HECTD2: variants seen among roughly 807,000 people sequenced by gnomAD.
HECTD2 encodes HECT domain E3 ubiquitin protein ligase 2, also known as probable E3 ubiquitin-protein ligase HECTD2.
In HECTD2, 35 loss-of-function variants were observed where a neutral mutation model predicts 103.2. That is an observed-to-expected ratio of 0.34 (90% CI 0.26 to 0.45). The LOEUF is 0.45. HECTD2 is among the 20% of genes least tolerant of loss of function. The pLI is 1.00. For missense variants in HECTD2, 596 were observed against 937.4 expected, an observed-to-expected ratio of 0.64 and a Z score of 4.76; for synonymous variants, 281 against 329.9, an observed-to-expected ratio of 0.85 and a Z score of 1.61.
intron 2 of HECTD2, among the ~76,000 whole-genome samples, chr10:91,456,005 G>T (rs1225403589): frequency 1.3e-5 from 2 of 151,186 alleles, no homozygotes; most frequent in Admixed American, 1.3e-4. Flanking sequence ...GTCAGGTAGC[G>T]TGATGCCTCC....
At chr10:91,416,418 C>T (rs1203255739) in intron 1 of HECTD2, among the ~76,000 whole-genome samples, 1 of 152,136 alleles carries the variant, frequency 6.6e-6, no homozygotes, top group East Asian at 1.9e-4. Context: ...CAGTCTAATG[C>T]CTTTTCTGTT....
chr10:91,505,694 G>C (rs1185647778), intron 20 of HECTD2, among the ~76,000 whole-genome samples: 36 of 151,194 alleles, frequency 2.4e-4, no homozygotes, highest in African/African-American at 8.0e-4. Flanking sequence ...ACACCCCACT[G>C]TCAACATTAG....
At chr10:91,414,218 A>T (rs1843033308) in intron 1 of HECTD2, among the ~76,000 whole-genome samples, 1 of 152,182 alleles carries the variant, frequency 6.6e-6, no homozygotes, top group African/African-American at 2.4e-5. Flanking sequence ...GCTAGATTTG[A>T]CTTAGGTCAG....
intron 1 of HECTD2, among the ~76,000 whole-genome samples, chr10:91,415,934 C>T (rs1157318646): frequency 6.6e-6 from 1 of 151,946 alleles, no homozygotes; most frequent in African/African-American, 2.4e-5. Context: ...AGGGCTATGG[C>T]TTTATAAATA....
intron 5 of HECTD2, among the ~76,000 whole-genome samples, chr10:91,477,742 C>T (rs564738381): frequency 3.9e-5 from 6 of 152,212 alleles, no homozygotes; most frequent in African/African-American, 1.4e-4. Flanking sequence ...CTTCTATTCT[C>T]TTATAAACTA....
At chr10:91,409,750 G>A (rs953920027), upstream of HECTD2, among the ~76,000 whole-genome samples, 3 of 152,170 alleles carry the variant, frequency 2.0e-5, no homozygotes, top group Non-Finnish European at 2.9e-5. Flanking sequence ...CAAGCTCCGG[G>A]CCGCCTCTCC....
intron 2 of HECTD2, among the ~76,000 whole-genome samples, chr10:91,455,485 T>A (rs557693257): frequency 3.3e-5 from 5 of 152,206 alleles, no homozygotes; most frequent in African/African-American, 1.2e-4. Flanking sequence ...ATTTGTCAGA[T>A]GAGTAGATTG....
chr10:91,487,934 T>C lies in HECTD2; in HGVS notation c.1191+156T>C. ...TCACCCAAAAAGTGCTTAAAAACTA[T>C]TTACAATTTGGGAGACAAGATAACT... On this transcript the variant is annotated intron_variant, in intron 11 of 20. Transcript: ENST00000298068. This position sits in a 1 kb window ranked among gnomAD's most constrained non-coding sequence, Gnocchi z 4.1. 1 of 479,510 alleles carries C rather than the reference T, an allele frequency of 2.1e-6. No homozygotes were observed. The highest frequency in any genetic ancestry group is 4.0e-5 in the South Asian group (1 of 24,932). The allele number at this position is 479,510 out of a possible 1,614,324, so 29.7% of individuals were successfully genotyped here.
chr10:91,415,406 T>G (rs1843086997), intron 1 of HECTD2, among the ~76,000 whole-genome samples: 1 of 152,156 alleles, frequency 6.6e-6, no homozygotes, highest in Non-Finnish European at 1.5e-5. Flanking sequence ...AAATAAGTGT[T>G]TATAACAATA....
At chr10:91,424,208 T>C (rs1843468421) in intron 1 of HECTD2, among the ~76,000 whole-genome samples, 1 of 152,106 alleles carries the variant, frequency 6.6e-6, no homozygotes, top group Non-Finnish European at 1.5e-5. Context: ...ATTGGTACTT[T>C]CTGACTCAGA....
chr10:91,469,296 C>T (rs867552197), intron 5 of HECTD2, among the ~76,000 whole-genome samples: 8 of 152,176 alleles, frequency 5.3e-5, no homozygotes, highest in Admixed American at 4.6e-4. Flanking sequence ...CCAAGACACA[C>T]AGTCCTCAGA....
intron 6 of HECTD2, among the ~76,000 whole-genome samples, chr10:91,480,129 G>A (rs1846040900): frequency 6.6e-6 from 1 of 151,972 alleles, no homozygotes; most frequent in Non-Finnish European, 1.5e-5. Context: ...AGGACTGAAG[G>A]GTTAAGGCCA....
At chr10:91,506,451 G>C (rs993534492) in intron 20 of HECTD2, among the ~76,000 whole-genome samples, 4 of 150,982 alleles carry the variant, frequency 2.6e-5, no homozygotes, top group African/African-American at 9.7e-5. Context: ...TATCACCACT[G>C]ATCCCACAGA....
chr10:91,416,818 C>T (rs550058045), intron 1 of HECTD2, among the ~76,000 whole-genome samples: 20 of 152,260 alleles, frequency 1.3e-4, no homozygotes, highest in Middle Eastern at 3.4e-3. Flanking sequence ...TTATAAACCT[C>T]CACCGTCCCC....
At chr10:91,452,396 A>G (rs532257103) in intron 2 of HECTD2, among the ~76,000 whole-genome samples, 37 of 152,264 alleles carry the variant, frequency 2.4e-4, no homozygotes, top group African/African-American at 8.9e-4. Context: ...CCAGGAAAAA[A>G]TGACACATTA....
chr10:91,492,692 A>G (rs1846524767), intron 13 of HECTD2, among the ~76,000 whole-genome samples: 1 of 152,218 alleles, frequency 6.6e-6, no homozygotes, highest in African/African-American at 2.4e-5. Context: ...GGAATCCTAC[A>G]CAAAATGTAT....
In HECTD2 at chr10:91,460,448, G is replaced by A; in HGVS notation, c.290G>A (p.Cys97Tyr). The change falls in exon 3 of 21, where the codon TGC (cysteine) becomes TAC (tyrosine). Residue 97 changes from cysteine to tyrosine, a missense_variant. Cys to Tyr is a radical substitution (Grantham distance 194). Around this residue, in one of 4 missense-constraint regions of HECTD2, gnomAD observed 220 missense variants for 233.9 expected, o/e 0.94. Transcript: ENST00000298068. ...ACAGTGAGAGAACCACCACCAATTT[G>A]CCTTGATGTTAGACAAAAACAGCGT... is the stretch of plus-strand genomic sequence containing the variant. ...IKNVREPPPI[C>Y]LDVRQKQRTS... 6.2e-7 allele frequency: 1 copy of A among 1,607,480 alleles called. No homozygotes were observed.
intron 8 of HECTD2, chr10:91,484,137 G>T (rs762955604): frequency 3.2e-5 from 17 of 527,550 alleles, no homozygotes; most frequent in Non-Finnish European, 5.3e-5. Context: ...CATGTCAGGA[G>T]ACTAACATCT....
At chr10:91,459,333 A>T (rs539855656) in intron 2 of HECTD2, among the ~76,000 whole-genome samples, 53 of 152,180 alleles carry the variant, frequency 3.5e-4, no homozygotes, top group African/African-American at 1.3e-3. Flanking sequence ...CAACTGCCGT[A>T]TATTTACCTC....
Sources: allele counts gnomAD v4.1 joint callset (sites outside exome capture counted in the v4.1 genomes callset), GRCh38; gene constraint gnomAD v4.1.1; regional missense constraint gnomAD v4.1.1; non-coding constraint Gnocchi (gnomAD v3.1); transcripts MANE v1.5; gene names NCBI Gene and HGNC (gene_info 2026-07-23, HGNC 2026-07-21).